FNDC3B: variants seen among roughly 807,000 people sequenced by gnomAD.
FNDC3B encodes fibronectin type III domain containing 3B.
Under a neutral mutation model 151.5 loss-of-function variants are expected in FNDC3B, and 12 were observed. That is an observed-to-expected ratio of 0.08 (90% CI 0.05 to 0.13). FNDC3B has a LOEUF of 0.13. Ranked by LOEUF, FNDC3B falls within the 10% of genes least tolerant of loss-of-function variation. The pLI is 1.00. For missense variants in FNDC3B, 1,214 were observed against 1,505.3 expected, an observed-to-expected ratio of 0.81 and a Z score of 3.20; for synonymous variants, 528 against 549.0, an observed-to-expected ratio of 0.96 and a Z score of 0.54.
intron 3 of FNDC3B, among the ~76,000 whole-genome samples, chr3:172,166,314 C>CT (rs1176538271): frequency 6.6e-6 from 1 of 152,130 alleles, no homozygotes; most frequent in Non-Finnish European, 1.5e-5. Flanking sequence ...AGGAGGCCCT[C>CT]TAAATTTTTT....
At chr3:172,344,619 A>C (rs1182743054) in intron 19 of FNDC3B, among the ~76,000 whole-genome samples, 2 of 152,190 alleles carry the variant, frequency 1.3e-5, no homozygotes, top group Non-Finnish European at 2.9e-5. Flanking sequence ...AAAGTTTTAT[A>C]CTGTCTTGTC....
intron 2 of FNDC3B, among the ~76,000 whole-genome samples, chr3:172,131,254 G>A (rs748021153): frequency 1.3e-5 from 2 of 152,070 alleles, no homozygotes; most frequent in Non-Finnish European, 2.9e-5. Context: ...TTAGCCAGGC[G>A]TGGTGGTGCA....
intron 3 of FNDC3B, among the ~76,000 whole-genome samples, chr3:172,222,911 G>A (rs1198689101): frequency 2.6e-5 from 4 of 152,208 alleles, no homozygotes; most frequent in Non-Finnish European, 5.9e-5. Flanking sequence ...CTCTCCAAGA[G>A]CTTGTGTGGT....
At position 172,080,085 on chromosome 3, in the gene FNDC3B, C is replaced by T. The variant is rs553753355; in HGVS notation, c.-28-32367C>T. Among the ~76,000 whole-genome samples the T allele has an allele frequency of 1.9e-4, 29 of 152,192 alleles. No homozygotes were observed. The East Asian group carries it at 5.6e-3, about 29-fold the overall frequency. ...CATTCTTAGACCTAGTTGCTAATGA[C>T]AATCAGTTACCTGAATTATAAAAAA... is the stretch of plus-strand genomic sequence containing the variant. On this transcript the variant is annotated intron_variant, in intron 1 of 25. Coordinates refer to ENST00000415807, the MANE Select transcript of FNDC3B (RefSeq NM_022763.4).
chr3:172,125,245 A>G (rs143684901), intron 2 of FNDC3B, among the ~76,000 whole-genome samples: 56 of 152,362 alleles, frequency 3.7e-4, no homozygotes, highest in African/African-American at 1.3e-3. Flanking sequence ...ATTGAGGACT[A>G]AGCAGCAGTG....
intron 3 of FNDC3B, among the ~76,000 whole-genome samples, chr3:172,190,001 G>C (rs1724421208): frequency 6.6e-6 from 1 of 152,128 alleles, no homozygotes; most frequent in Non-Finnish European, 1.5e-5. Context: ...TGAGGAAACT[G>C]ATACGTCAAG....
intron 1 of FNDC3B, among the ~76,000 whole-genome samples, chr3:172,106,931 T>C (rs1172871480): frequency 6.6e-6 from 1 of 152,244 alleles, no homozygotes; most frequent in Non-Finnish European, 1.5e-5. Flanking sequence ...TAAAGTTTTC[T>C]TTAAAAGCTT....
intron 11 of FNDC3B, among the ~76,000 whole-genome samples, chr3:172,324,275 G>A (rs976648099): frequency 3.7e-4 from 53 of 144,100 alleles, no homozygotes; most frequent in African/African-American, 1.5e-3. Flanking sequence ...GGCGAGCCAA[G>A]TCCTTTCCTG....
chr3:172,378,785 C>G (rs1735284724), intron 24 of FNDC3B, among the ~76,000 whole-genome samples: 1 of 152,208 alleles, frequency 6.6e-6, no homozygotes, highest in South Asian at 2.1e-4. Context: ...ATTCATCTTT[C>G]AGTGACTTTG....
intron 3 of FNDC3B, among the ~76,000 whole-genome samples, chr3:172,186,382 A>G (rs1024782204): frequency 1.3e-5 from 2 of 152,210 alleles, no homozygotes; most frequent in African/African-American, 4.8e-5. Flanking sequence ...CATCGGAAAT[A>G]CTTGCTTTAT....
intron 1 of FNDC3B, among the ~76,000 whole-genome samples, chr3:172,083,847 CT>C (rs1559958347): frequency 6.6e-6 from 1 of 152,136 alleles, no homozygotes; most frequent in African/African-American, 2.4e-5. Flanking sequence ...ATCTATTAAT[CT>C]TTTTGTGAAA....
In FNDC3B at chr3:172,040,933, C is replaced by T. The variant is rs1033732984; in HGVS notation, c.-29+1162C>T. 2.6e-5 allele frequency among the ~76,000 whole-genome samples: 4 copies of T among 152,288 alleles called. No individual in the cohort carries two copies. Among genetic ancestry groups the T allele is most frequent in the East Asian group, 1.9e-4 (1 of 5,168 alleles). On this transcript the variant is annotated intron_variant, in intron 1 of 25. Transcript: ENST00000415807. The surrounding 1 kb of genome is among the most constrained non-coding windows in gnomAD (Gnocchi z 6.6). ...GGGGAGGCTTCCAGGAGTGCGCGGTCGGAGTTGGAGCTTTTGGAATCTCAG... is the reference window on the plus strand; with the variant it reads ...GGGGAGGCTTCCAGGAGTGCGCGGTTGGAGTTGGAGCTTTTGGAATCTCAG...
intron 3 of FNDC3B, among the ~76,000 whole-genome samples, chr3:172,160,244 T>G (rs945659680): frequency 2.6e-5 from 4 of 152,222 alleles, no homozygotes; most frequent in Non-Finnish European, 5.9e-5. Flanking sequence ...TTGCCTGGAA[T>G]TAGACTGAAA....
At chr3:172,371,239 C>T (rs1734865575) in intron 23 of FNDC3B, among the ~76,000 whole-genome samples, 1 of 151,826 alleles carries the variant, frequency 6.6e-6, no homozygotes, top group Admixed American at 6.6e-5. Flanking sequence ...ACTTATGATA[C>T]CTAATATAAT....
In FNDC3B at chr3:172,325,708, G is replaced by A. The variant is rs111877730; in HGVS notation, c.1255-3244G>A. ...TAGACAGACCAGCACGCTGGCATCGGATCACTGGAGCCAGTGGCCTTCTCC... is the reference window on the plus strand; with the variant it reads ...TAGACAGACCAGCACGCTGGCATCGAATCACTGGAGCCAGTGGCCTTCTCC... On this transcript the variant is annotated intron_variant, in intron 11 of 25. Transcript: ENST00000415807. 4.2e-3 allele frequency among the ~76,000 whole-genome samples: 643 copies of A among 152,342 alleles called. 3 individuals carry two copies. The highest frequency in any genetic ancestry group is 6.7e-3 in the Non-Finnish European group (453 of 68,022).
chr3:172,238,680 T>G (rs7614504), intron 4 of FNDC3B, among the ~76,000 whole-genome samples: 19,269 of 152,186 alleles, frequency 0.13, 1,279 homozygotes, highest in Middle Eastern at 0.21. Flanking sequence ...AAGAACAAGC[T>G]TGCCTTTCCT....
At chr3:172,211,166 A>C (rs777769935) in intron 3 of FNDC3B, among the ~76,000 whole-genome samples, 37 of 151,492 alleles carry the variant, frequency 2.4e-4, no homozygotes, top group South Asian at 1.7e-3. Context: ...ATGACTCATA[A>C]CATAAATGTA....
At chr3:172,368,784 A>G (rs1486671466) in intron 23 of FNDC3B, among the ~76,000 whole-genome samples, 3 of 152,176 alleles carry the variant, frequency 2.0e-5, no homozygotes, top group African/African-American at 7.2e-5. Context: ...GCCGAGGCAG[A>G]TGCGTCACCT....
Position 172,109,446 on chromosome 3 carries a change from G to A in FNDC3B, c.-28-3006G>A, listed in dbSNP as rs548093188. Reference sequence around the variant, plus strand: ...CTCCCAAAGTGCTGGGATTACAGGCGTGAGCCCCGCGCCCGGCCGAAGGCC... The same window carrying A: ...CTCCCAAAGTGCTGGGATTACAGGCATGAGCCCCGCGCCCGGCCGAAGGCC... On this transcript the variant is annotated intron_variant, in intron 1 of 25. Transcript: ENST00000415807. Among the ~76,000 whole-genome samples the A allele has an allele frequency of 2.6e-3, 219 of 83,872 alleles. 1 individual carries two copies. Among genetic ancestry groups the A allele is most frequent in the African/African-American group, 9.8e-3 (211 of 21,546 alleles). 55.0% of individuals were successfully genotyped at this position (83,872 alleles called of 152,430 possible). A position where few individuals can be genotyped will look rare whatever the true frequency, so the allele number is the denominator to read the frequency against.
Sources: gnomAD v4.1 joint callset for allele counts (sites outside exome capture counted in the v4.1 genomes callset) on GRCh38, gnomAD v4.1.1 for gene constraint, Gnocchi (gnomAD v3.1) non-coding constraint, MANE v1.5 for transcripts, NCBI Gene and HGNC (gene_info 2026-07-23, HGNC 2026-07-21) for gene names.